NET1: variants seen among roughly 807,000 people sequenced by gnomAD.
NET1 encodes the protein neuroepithelial cell transforming 1.
Under a neutral mutation model 61.1 loss-of-function variants are expected in NET1, and 42 were observed. The observed-to-expected ratio is 0.69, with a 90% confidence interval of 0.54 to 0.89. The LOEUF (loss-of-function observed/expected upper bound fraction) is 0.89, where lower values mean the gene tolerates loss of function less well. Ranked by LOEUF, NET1 falls within the 40% of genes least tolerant of loss-of-function variation. The probability of loss-of-function intolerance (pLI) is 0.00; values close to 1 mark genes in which losing one functional copy is unlikely to be tolerated. For missense variants in NET1, 654 were observed against 747.3 expected (o/e 0.88, Z 1.46); for synonymous variants, 254 against 281.8 (o/e 0.90, Z 0.99).
rs1832557806 is a variant in NET1, at chr10:5,443,555, G to A, written c.256-8275G>A. Among the ~76,000 whole-genome samples, 2 of 152,094 alleles carry A rather than the reference G, an allele frequency of 1.3e-5. No homozygotes were observed. Among genetic ancestry groups the A allele is most frequent in the Admixed American group, 1.3e-4 (2 of 15,276 alleles). ...GTCCTCTGGTTTTATGCAGCATTGT[G>A]ACAAGACTCAAGATTCTTGAGTCCA... On this transcript the variant is annotated intron_variant, in intron 3 of 11. Coordinates refer to ENST00000355029, the MANE Select transcript of NET1 (RefSeq NM_001047160.3). The surrounding 1 kb of genome is among the most constrained non-coding windows in gnomAD (Gnocchi z 4.8).
In NET1 at chr10:5,452,854, T is replaced by C. The variant is rs757860380; in HGVS notation, c.532-4T>C. The C allele has an allele frequency of 4.3e-6, 7 of 1,611,836 alleles. No homozygotes were observed. The highest frequency in any genetic ancestry group is 1.1e-5 in the South Asian group (1 of 90,134). ...GACCTCTGATGTTTGCTGGATGTTT[T>C]TAGGCAATATATGAAATGTCCCGAG... On this transcript the variant is annotated splice_region_variant and splice_polypyrimidine_tract_variant and intron_variant, in intron 5 of 11. Transcript: ENST00000355029. This position sits in a 1 kb window ranked among gnomAD's most constrained non-coding sequence, Gnocchi z 4.0.
In NET1 at chr10:5,453,377, C is replaced by T. The variant is rs767998276; in HGVS notation, c.691+31C>T. ...ATGTGCCACTTAATTGTCATTAAAT[C>T]TAAAGAGCAGCGGTGCATGTAATTT... is the stretch of plus-strand genomic sequence containing the variant. On this transcript the variant is annotated intron_variant, in intron 7 of 11. Transcript: ENST00000355029. This position sits in a 1 kb window ranked among gnomAD's most constrained non-coding sequence, Gnocchi z 4.9. The T allele has an allele frequency of 3.8e-6, 6 of 1,577,324 alleles. No homozygotes were observed. The highest frequency in any genetic ancestry group is 5.2e-6 in the Non-Finnish European group (6 of 1,146,538).
chr10:5,426,955 TTAACTC>T lies in NET1; in HGVS notation c.195+237_195+242del, dbSNP rs1420390157. ...GCAAAGTACTCACATCTATTAATCTTTAACTCTATGCCATCCTTTCTCTTATTCCTT... is the reference window on the plus strand; with the variant it reads ...GCAAAGTACTCACATCTATTAATCTTTATGCCATCCTTTCTCTTATTCCTT... On this transcript the variant is annotated intron_variant, in intron 2 of 11. Coordinates refer to ENST00000355029, the MANE Select transcript of NET1 (RefSeq NM_001047160.3). This position sits in a 1 kb window ranked among gnomAD's most constrained non-coding sequence, Gnocchi z 4.6. Among the ~76,000 whole-genome samples, 27 of 152,302 alleles carry T rather than the reference TTAACTC, an allele frequency of 1.8e-4. No individual in the cohort carries two copies. Among genetic ancestry groups the T allele is most frequent in the Non-Finnish European group, 2.9e-4 (20 of 68,002 alleles).
chr10:5,418,960 G>T (rs997205125), intron 1 of NET1, among the ~76,000 whole-genome samples: 1 of 152,090 alleles, frequency 6.6e-6, no homozygotes, highest in African/African-American at 2.4e-5. Flanking sequence ...ACATAATTGT[G>T]ACTTTCACAA....
chr10:5,446,471 G>C lies in NET1; in HGVS notation c.256-5359G>C, dbSNP rs1442325229. ...TGAACCCAGCTTCACTCTCCTCCTG[G>C]GCGAAAGCTGAGAGGCCTAGGTGTG... On this transcript the variant is annotated intron_variant, in intron 3 of 11. Transcript: ENST00000355029. This position sits in a 1 kb window ranked among gnomAD's most constrained non-coding sequence, Gnocchi z 5.0. The C allele has an allele frequency of 1.3e-6, 1 of 742,648 alleles. No homozygotes were observed. The highest frequency in any genetic ancestry group is 1.7e-6 in the Non-Finnish European group (1 of 593,294). The allele number at this position is 742,648 out of a possible 1,614,324, so 46.0% of individuals were successfully genotyped here.
chr10:5,436,508 T>C (rs1363941559), intron 3 of NET1, among the ~76,000 whole-genome samples: 1 of 151,398 alleles, frequency 6.6e-6, no homozygotes, highest in African/African-American at 2.4e-5. Context: ...AGTGCTGAGA[T>C]AACAGGTGCG....
In NET1 at chr10:5,452,698, A is replaced by G; in HGVS notation, c.532-160A>G. ...CTCTAATAGGGTAAACTTACCAAAC[A>G]TACGGCAACCTTGTATTTGAGATTC... On this transcript the variant is annotated intron_variant, in intron 5 of 11. Coordinates refer to ENST00000355029, the MANE Select transcript of NET1 (RefSeq NM_001047160.3). The surrounding 1 kb of genome is among the most constrained non-coding windows in gnomAD (Gnocchi z 4.0). 3 of 913,370 alleles carry G rather than the reference A, an allele frequency of 3.3e-6. No individual in the cohort carries two copies. The highest frequency in any genetic ancestry group is 4.9e-6 in the Non-Finnish European group (3 of 606,812). 56.6% of individuals were successfully genotyped at this position (913,370 alleles called of 1,614,324 possible).
chr10:5,452,584 C>A lies in NET1; in HGVS notation c.531+59C>A. 1 of 1,517,798 alleles carries A rather than the reference C, an allele frequency of 6.6e-7. No homozygotes were observed. The highest frequency in any genetic ancestry group is 1.2e-5 in the South Asian group (1 of 81,000). The allele number at this position is 1,517,798 out of a possible 1,614,324, so 94.0% of individuals were successfully genotyped here. The stretch of plus-strand genomic sequence containing the variant: ...AAGAACAGCAAATTGATGCCGATGG[C>A]AAAATTAACTTGGATTTTTGTGTTT... On this transcript the variant is annotated intron_variant, in intron 5 of 11. Transcript: ENST00000355029. This position sits in a 1 kb window ranked among gnomAD's most constrained non-coding sequence, Gnocchi z 4.0.
rs1269276641 is a variant in NET1 at position 5,439,632 on chromosome 10, G to A, written c.255+10403G>A. The stretch of plus-strand genomic sequence containing the variant: ...GTAGCCAGGGCCTCACTCTAACTAG[G>A]TCTGCCCCACACCTGGGGCTGCTTT... On this transcript the variant is annotated intron_variant, in intron 3 of 11. Coordinates refer to ENST00000355029, the MANE Select transcript of NET1 (RefSeq NM_001047160.3). This position sits in a 1 kb window ranked among gnomAD's most constrained non-coding sequence, Gnocchi z 4.8. 6.6e-6 allele frequency among the ~76,000 whole-genome samples: 1 copy of A among 152,200 alleles called. No individual in the cohort carries two copies. The highest frequency in any genetic ancestry group is 1.5e-5 in the Non-Finnish European group (1 of 68,034).
At position 5,457,460 on chromosome 10, in the gene NET1, A is replaced by G. The variant is rs1448062120; in HGVS notation, c.*466A>G. ...TGGAATGTATGTCTGGAGTATTTCA[A>G]ACTTTACATTGAAACATAATTTCCT... is the stretch of plus-strand genomic sequence containing the variant. On this transcript the variant is annotated 3_prime_UTR_variant, in exon 12 of 12. Coordinates refer to ENST00000355029, the MANE Select transcript of NET1 (RefSeq NM_001047160.3). This position sits in a 1 kb window ranked among gnomAD's most constrained non-coding sequence, Gnocchi z 5.4. 6.5e-6 allele frequency: 1 copy of G among 152,734 alleles called. No individual in the cohort carries two copies. The highest frequency in any genetic ancestry group is 2.4e-5 in the African/African-American group (1 of 41,452). The allele number at this position is 152,734 out of a possible 1,614,324, so 9.5% of individuals were successfully genotyped here.
rs1166622825 is a variant in NET1 at position 5,447,270 on chromosome 10, C to A, written c.256-4560C>A. Among the ~76,000 whole-genome samples, 1 of 152,154 alleles carries A rather than the reference C, an allele frequency of 6.6e-6. No homozygotes were observed. Among genetic ancestry groups the A allele is most frequent in the South Asian group, 2.1e-4 (1 of 4,830 alleles). The stretch of plus-strand genomic sequence containing the variant: ...GAACAAATTGCAACTAAAGTTTAGT[C>A]TGACCTGGTGTGCATTTTTCTTCCA... On this transcript the variant is annotated intron_variant, in intron 3 of 11. Coordinates refer to ENST00000355029, the MANE Select transcript of NET1 (RefSeq NM_001047160.3). The surrounding 1 kb of genome is among the most constrained non-coding windows in gnomAD (Gnocchi z 4.1).
Position 5,434,612 on chromosome 10 carries a change from A to G in NET1, c.255+5383A>G, listed in dbSNP as rs1295025599. On this transcript the variant is annotated intron_variant, in intron 3 of 11. Coordinates refer to ENST00000355029, the MANE Select transcript of NET1 (RefSeq NM_001047160.3). The stretch of plus-strand genomic sequence containing the variant: ...AATGCTGATACTTTGTGGGCCTCAT[A>G]ACTGTCTGGTTTGTCACTCTGCTCA... Among the ~76,000 whole-genome samples the G allele has an allele frequency of 2.6e-5, 4 of 151,920 alleles. No individual in the cohort carries two copies. In the East Asian group the frequency reaches 7.7e-4, roughly 29 times the overall value.
Position 5,454,706 on chromosome 10 carries a change from AT to A in NET1, c.1026+188del, listed in dbSNP as rs1414632855. Among the ~76,000 whole-genome samples the A allele has an allele frequency of 6.6e-6, 1 of 152,240 alleles. No individual in the cohort carries two copies. Among genetic ancestry groups the A allele is most frequent in the East Asian group, 1.9e-4 (1 of 5,204 alleles). On this transcript the variant is annotated intron_variant, in intron 9 of 11. Coordinates refer to ENST00000355029, the MANE Select transcript of NET1 (RefSeq NM_001047160.3). The surrounding 1 kb of genome is among the most constrained non-coding windows in gnomAD (Gnocchi z 8.1). ...GAGCTGTGTATGCTGGACTTCGCAC[AT>A]TTTGTATCTTAAGGGACAGGATTCT...
At position 5,445,262 on chromosome 10, in the gene NET1, G is replaced by T. The variant is rs1189241079; in HGVS notation, c.256-6568G>T. 6.7e-4 allele frequency among the ~76,000 whole-genome samples: 102 copies of T among 152,290 alleles called. 1 individual carries two copies. The East Asian group carries it at 0.013, about 20-fold the overall frequency. On this transcript the variant is annotated intron_variant, in intron 3 of 11. Transcript: ENST00000355029. Reference sequence around the variant, plus strand: ...AAAATATTACATTCAAGGCCGCACAGACATAACATCTTAAACCTCTTCCTG... The same window carrying T: ...AAAATATTACATTCAAGGCCGCACATACATAACATCTTAAACCTCTTCCTG...
rs759548072 is a variant in NET1 at position 5,456,783 on chromosome 10, C to A, written c.1580C>A (p.Pro527His). Residue 527 changes from proline (P) to histidine (H), a missense_variant, in exon 12 of 12, where the codon CCC becomes CAC. Pro to His is a moderately conservative substitution (Grantham distance 77, BLOSUM62 -2). Transcript: ENST00000355029. This position sits in a 1 kb window ranked among gnomAD's most constrained non-coding sequence, Gnocchi z 7.0. ...CACGAAGAGTGTGAGGGGAACCACC[C>A]CTCTGCGAGGAAACTCACAGCCCAG... Reference protein sequence around the residue: ...ELHEECEGNHPSARKLTAQRR... With the variant: ...ELHEECEGNHHSARKLTAQRR... 28 of 1,613,092 alleles carry A rather than the reference C, an allele frequency of 1.7e-5. No individual in the cohort carries two copies. Among genetic ancestry groups the A allele is most frequent in the Non-Finnish European group, 2.2e-5 (26 of 1,179,524 alleles).
intron 1 of NET1, among the ~76,000 whole-genome samples, chr10:5,425,358 G>A (rs1832243139): frequency 2.0e-5 from 3 of 152,116 alleles, no homozygotes. Context: ...CATTTTTGCA[G>A]GAAAGACACT....
intron 3 of NET1, among the ~76,000 whole-genome samples, chr10:5,434,279 T>C (rs1263774900): frequency 6.6e-6 from 1 of 152,232 alleles, no homozygotes. Flanking sequence ...CTTTCTCTTT[T>C]ATCTGGAACT....
Position 5,435,004 on chromosome 10 carries a change from T to C in NET1, c.255+5775T>C, listed in dbSNP as rs151296223. ...TATAGAAAAGCCTGCTCAGTACAAA[T>C]AGTGAATCAAACAAAAGGCTTGAAG... is the stretch of plus-strand genomic sequence containing the variant. On this transcript the variant is annotated intron_variant, in intron 3 of 11. Transcript: ENST00000355029. This position sits in a 1 kb window ranked among gnomAD's most constrained non-coding sequence, Gnocchi z 5.0. 5.3e-5 allele frequency among the ~76,000 whole-genome samples: 8 copies of C among 152,334 alleles called. No homozygotes were observed. The East Asian group carries it at 1.5e-3, about 29-fold the overall frequency.
At chr10:5,436,668 A>T (rs1832443259) in intron 3 of NET1, among the ~76,000 whole-genome samples, 1 of 152,198 alleles carries the variant, frequency 6.6e-6, no homozygotes, top group South Asian at 2.1e-4. Context: ...TATAATTATA[A>T]TAATGTCTTG....
Sources: gnomAD v4.1 joint callset for allele counts (sites outside exome capture counted in the v4.1 genomes callset) on GRCh38, gnomAD v4.1.1 for gene constraint, Gnocchi (gnomAD v3.1) non-coding constraint, MANE v1.5 for transcripts, NCBI Gene and HGNC (gene_info 2026-07-23, HGNC 2026-07-21) for gene names.